Variants in DLG2 observed in about 807,000 individuals in gnomAD.
DLG2 encodes the protein disks large homolog 2.
A neutral mutation model predicts 132.5 loss-of-function variants in DLG2; 45 were observed. The ratio of observed to expected loss-of-function variants is 0.34; its 90% CI spans 0.27 to 0.44. The LOEUF is 0.44. DLG2 is among the 20% of genes least tolerant of loss of function. The pLI is 1.00. For synonymous variants in DLG2, 424 were observed against 419.6 expected (o/e 1.01, Z -0.13); for missense variants, 1,045 against 1,196.9 (o/e 0.87, Z 1.87).
intron 9 of DLG2, among the ~76,000 whole-genome samples, chr11:84,139,602 A>G (rs1286717186): frequency 1.3e-5 from 2 of 152,122 alleles, no homozygotes; most frequent in East Asian, 3.9e-4. Flanking sequence ...TAGTCGTCAC[A>G]GGAATCCTTG....
intron 6 of DLG2, among the ~76,000 whole-genome samples, chr11:85,093,265 G>T (rs1477827734): frequency 6.6e-6 from 1 of 151,896 alleles, no homozygotes; most frequent in African/African-American, 2.4e-5. Context: ...TGTGTCAAGG[G>T]GCAGAAGTCA....
At chr11:83,851,860 A>C (rs2059836530) in intron 16 of DLG2, among the ~76,000 whole-genome samples, 1 of 151,892 alleles carries the variant, frequency 6.6e-6, no homozygotes, top group African/African-American at 2.4e-5. Flanking sequence ...CGGAGATTGC[A>C]GTCAGCCAAG....
At chr11:84,923,179 A>G in intron 6 of DLG2, 1 of 1,610,880 alleles carries the variant, frequency 6.2e-7, no homozygotes. Flanking sequence ...CAAGCCCCAC[A>G]CACACGATCC....
chr11:85,087,810 A>G (rs966580647), intron 6 of DLG2, among the ~76,000 whole-genome samples: 22 of 132,408 alleles, frequency 1.7e-4, no homozygotes, highest in African/African-American at 5.6e-4. Context: ...TGCAGTCCGC[A>G]GTCCGGCCTG....
chr11:85,501,983 G>A (rs1178873815), intron 3 of DLG2, among the ~76,000 whole-genome samples: 1 of 152,038 alleles, frequency 6.6e-6, no homozygotes, highest in Non-Finnish European at 1.5e-5. Context: ...GTTTATTGTG[G>A]CATTATTCAC....
rs1213812731 is a variant in DLG2, at chr11:83,467,810, TAC to T, written c.2620-995_2620-994del. Among the ~76,000 whole-genome samples, 842 of 96,182 alleles carry T rather than the reference TAC, an allele frequency of 8.8e-3. 9 individuals are homozygous for T. Among genetic ancestry groups the T allele is most frequent in the Middle Eastern group, 0.043 (6 of 140 alleles). 63.1% of individuals were successfully genotyped at this position (96,182 alleles called of 152,430 possible). A position where few individuals can be genotyped will look rare whatever the true frequency, so the allele number is the denominator to read the frequency against. ...ATATATATATATATATATATATATA[TAC>T]ACACACACATATAAAATATATAATT... is the stretch of plus-strand genomic sequence containing the variant. On this transcript the variant is annotated intron_variant, in intron 25 of 27. Transcript: ENST00000376104.
At chr11:84,895,137 A>T (rs1157660141) in intron 6 of DLG2, among the ~76,000 whole-genome samples, 4 of 152,194 alleles carry the variant, frequency 2.6e-5, no homozygotes, top group Non-Finnish European at 4.4e-5. Flanking sequence ...ACTTATTTAC[A>T]TGATTTGCCT....
intron 7 of DLG2, among the ~76,000 whole-genome samples, chr11:84,524,041 T>C (rs979687311): frequency 6.6e-6 from 1 of 152,132 alleles, no homozygotes; most frequent in South Asian, 2.1e-4. Flanking sequence ...TTGGGCCACA[T>C]TGGAAGAAGA....
intron 16 of DLG2, among the ~76,000 whole-genome samples, chr11:83,848,532 T>G (rs2059083744): frequency 1.3e-5 from 2 of 152,190 alleles, no homozygotes; most frequent in Non-Finnish European, 2.9e-5. Flanking sequence ...AATCAGAAAC[T>G]TCTGCATTTT....
chr11:84,659,800 A>G (rs568879632), intron 6 of DLG2, among the ~76,000 whole-genome samples: 1 of 152,260 alleles, frequency 6.6e-6, no homozygotes, highest in Admixed American at 6.5e-5. Flanking sequence ...TTCAACTTTT[A>G]TCATTCACTA....
chr11:83,814,980 T>C lies in DLG2; in HGVS notation c.1722+18634A>G, dbSNP rs878945157. The stretch of plus-strand genomic sequence containing the variant: ...CAGATTACAGCCATTTCCAATAATA[T>C]GGGTTTTGAAAAATGTACTCAATTT... On this transcript the variant is annotated intron_variant, in intron 17 of 27. Transcript: ENST00000376104. 1.9e-5 allele frequency: 3 copies of C among 160,020 alleles called. No individual in the cohort carries two copies. The South Asian group carries it at 5.9e-4, about 31-fold the overall frequency. The allele number at this position is 160,020 out of a possible 1,614,324, so 9.9% of individuals were successfully genotyped here. A position where few individuals can be genotyped will look rare whatever the true frequency, so the allele number is the denominator to read the frequency against.
At chr11:84,440,480 T>G (rs2099014058) in intron 7 of DLG2, among the ~76,000 whole-genome samples, 5 of 152,170 alleles carry the variant, frequency 3.3e-5, no homozygotes. Flanking sequence ...TATACAACCA[T>G]CTTCCCTGGC....
At chr11:84,420,995 G>T (rs534021557) in intron 7 of DLG2, among the ~76,000 whole-genome samples, 16 of 152,108 alleles carry the variant, frequency 1.1e-4, no homozygotes, top group Admixed American at 6.6e-4. Context: ...TTACTCATCC[G>T]TAGAAACCTA....
intron 7 of DLG2, among the ~76,000 whole-genome samples, chr11:84,378,442 T>C (rs1292486125): frequency 6.6e-6 from 1 of 152,106 alleles, no homozygotes; most frequent in East Asian, 1.9e-4. Context: ...ATTTAAGCCA[T>C]TCAGTCTGTA....
intron 10 of DLG2, among the ~76,000 whole-genome samples, chr11:84,077,078 T>C (rs566779459): frequency 2.4e-4 from 36 of 152,318 alleles, no homozygotes; most frequent in African/African-American, 7.5e-4. Context: ...ACTTAAGTCA[T>C]CTCTGAATAT....
intron 11 of DLG2, among the ~76,000 whole-genome samples, chr11:84,003,402 C>A (rs2094443092): frequency 6.6e-6 from 1 of 152,080 alleles, no homozygotes; most frequent in Non-Finnish European, 1.5e-5. Context: ...CTGTATTAGT[C>A]CATTTTCATA....
At chr11:84,418,551 A>G (rs991639074) in intron 7 of DLG2, among the ~76,000 whole-genome samples, 2 of 152,204 alleles carry the variant, frequency 1.3e-5, no homozygotes, top group Non-Finnish European at 2.9e-5. Flanking sequence ...ATCCTGGTGG[A>G]GTCCATGCTT....
chr11:84,147,416 C>T (rs2095126341), intron 9 of DLG2, among the ~76,000 whole-genome samples: 1 of 152,046 alleles, frequency 6.6e-6, no homozygotes, highest in African/African-American at 2.4e-5. Flanking sequence ...AAAACACTAG[C>T]TGTTTAGCAT....
intron 10 of DLG2, among the ~76,000 whole-genome samples, chr11:84,070,504 T>C (rs1356672799): frequency 6.6e-6 from 1 of 152,224 alleles, no homozygotes; most frequent in Non-Finnish European, 1.5e-5. Flanking sequence ...CATTAAGAAA[T>C]ACATTTAACA....
Sources: allele counts gnomAD v4.1 joint callset (sites outside exome capture counted in the v4.1 genomes callset), GRCh38; gene constraint gnomAD v4.1.1; transcripts MANE v1.5; gene names NCBI Gene and HGNC (gene_info 2026-07-23, HGNC 2026-07-21).